Variants in DNER observed in about 807,000 individuals in gnomAD.
DNER encodes delta and Notch-like epidermal growth factor-related receptor.
In DNER, 33 loss-of-function variants were observed where a neutral mutation model predicts 78.2. That is an observed-to-expected ratio of 0.42 (90% CI 0.32 to 0.56). The LOEUF (loss-of-function observed/expected upper bound fraction) is 0.56. Among genes scored for constraint, DNER ranks in the 20% least tolerant of loss-of-function variants. DNER has a pLI of 0.11. For synonymous variants in DNER, 417 were observed against 384.8 expected (o/e 1.08, Z -0.98); for missense variants, 918 against 975.3 (o/e 0.94, Z 0.78).
intron 1 of DNER, among the ~76,000 whole-genome samples, chr2:229,670,771 A>T (rs1186940788): frequency 6.6e-6 from 1 of 152,218 alleles, no homozygotes; most frequent in Non-Finnish European, 1.5e-5. Flanking sequence ...CCACCAGCCA[A>T]TGCAGCTACA....
chr2:229,490,273 C>A (rs1695371498), intron 6 of DNER, among the ~76,000 whole-genome samples: 1 of 152,106 alleles, frequency 6.6e-6, no homozygotes, highest in Non-Finnish European at 1.5e-5. Context: ...GTACATCAGG[C>A]TAAGTGTCTT....
intron 5 of DNER, among the ~76,000 whole-genome samples, chr2:229,544,435 T>C (rs1696578580): frequency 6.6e-6 from 1 of 152,192 alleles, no homozygotes; most frequent in Non-Finnish European, 1.5e-5. Context: ...TCACTATGCT[T>C]TCGGGTTCCT....
At chr2:229,635,683 G>A (rs1698519066) in intron 1 of DNER, among the ~76,000 whole-genome samples, 1 of 152,166 alleles carries the variant, frequency 6.6e-6, no homozygotes, top group Admixed American at 6.5e-5. Context: ...GCCTGATAGT[G>A]ATCATTTTAC....
At chr2:229,566,072 T>A (rs1434902528) in intron 4 of DNER, among the ~76,000 whole-genome samples, 1 of 152,144 alleles carries the variant, frequency 6.6e-6, no homozygotes, top group East Asian at 1.9e-4. Context: ...AACTTCTCTG[T>A]GTTGATGTGA....
chr2:229,682,229 T>A (rs1302933491), intron 1 of DNER, among the ~76,000 whole-genome samples: 1 of 152,178 alleles, frequency 6.6e-6, no homozygotes, highest in Non-Finnish European at 1.5e-5. Context: ...AACTCCAGTA[T>A]AAAATTCAGC....
At chr2:229,377,785 A>G (rs1221149575) in intron 11 of DNER, among the ~76,000 whole-genome samples, 1 of 152,202 alleles carries the variant, frequency 6.6e-6, no homozygotes, top group East Asian at 1.9e-4. Context: ...AAATATTGTA[A>G]TATTTAAGAA....
At chr2:229,419,721 T>C (rs996509711) in intron 8 of DNER, among the ~76,000 whole-genome samples, 1 of 152,030 alleles carries the variant, frequency 6.6e-6, no homozygotes, top group Non-Finnish European at 1.5e-5. Flanking sequence ...TAGTTTTCAA[T>C]TCTTCTGAAA....
intron 6 of DNER, among the ~76,000 whole-genome samples, chr2:229,500,308 C>A (rs1186301465): frequency 6.6e-6 from 1 of 152,162 alleles, no homozygotes; most frequent in Admixed American, 6.5e-5. Flanking sequence ...CACTGATCAT[C>A]AGGGAAGTGT....
intron 1 of DNER, among the ~76,000 whole-genome samples, chr2:229,656,985 CGTGT>C (rs1417445603): frequency 0.031 from 4,674 of 148,820 alleles, 255 homozygotes; most frequent in African/African-American, 0.11. Context: ...ACAGTTACCA[CGTGT>C]GTGTGTGTGT....
At chr2:229,544,686 C>T (rs1481426659) in intron 5 of DNER, among the ~76,000 whole-genome samples, 1 of 151,994 alleles carries the variant, frequency 6.6e-6, no homozygotes, top group Non-Finnish European at 1.5e-5. Context: ...GTGCCCACCA[C>T]CACGCCTGGC....
chr2:229,362,351 C>T (rs371715430), intron 12 of DNER, among the ~76,000 whole-genome samples: 1 of 152,154 alleles, frequency 6.6e-6, no homozygotes, highest in East Asian at 1.9e-4. Flanking sequence ...TTCTGGCTTC[C>T]AAGCCTAGAT....
intron 1 of DNER, among the ~76,000 whole-genome samples, chr2:229,631,882 T>A (rs1327186092): frequency 2.0e-5 from 3 of 152,220 alleles, no homozygotes; most frequent in African/African-American, 7.2e-5. Flanking sequence ...GTCTTAAGAA[T>A]TAAACGAGCT....
Position 229,630,911 on chromosome 2 carries a change from C to G in DNER, c.277-39023G>C, listed in dbSNP as rs1167564051. 3.9e-5 allele frequency among the ~76,000 whole-genome samples: 6 copies of G among 152,216 alleles called. No homozygotes were observed. In the East Asian group the frequency reaches 1.2e-3, roughly 29 times the overall value. Reference sequence around the variant, plus strand: ...GGCATTTGGTTTTTTGTTCCTGTGTCAATTCACTTAAGATAATGGCCTCCA... The same window carrying G: ...GGCATTTGGTTTTTTGTTCCTGTGTGAATTCACTTAAGATAATGGCCTCCA... On this transcript the variant is annotated intron_variant, in intron 1 of 12. Transcript: ENST00000341772.
At chr2:229,594,952 TAAAAAAAA>T (rs200824543) in intron 1 of DNER, among the ~76,000 whole-genome samples, 1 of 102,688 alleles carries the variant, frequency 9.7e-6, no homozygotes, top group African/African-American at 3.4e-5. Context: ...AAATGCTGTT[TAAAAAAAA>T]AAAAAAAAAA....
chr2:229,572,279 G>T (rs148562973), intron 4 of DNER, among the ~76,000 whole-genome samples: 1 of 152,106 alleles, frequency 6.6e-6, no homozygotes, highest in Non-Finnish European at 1.5e-5. Flanking sequence ...CTCAACTTGC[G>T]ATGTGAATTC....
At chr2:229,368,335 T>A (rs1342468292) in intron 11 of DNER, among the ~76,000 whole-genome samples, 1 of 152,064 alleles carries the variant, frequency 6.6e-6, no homozygotes, top group Non-Finnish European at 1.5e-5. Context: ...CACACTCCAG[T>A]CTGGGCAACA....
intron 12 of DNER, among the ~76,000 whole-genome samples, chr2:229,364,347 A>G (rs1274514173): frequency 6.6e-6 from 1 of 152,066 alleles, no homozygotes; most frequent in African/African-American, 2.4e-5. Flanking sequence ...TCAAATGTTA[A>G]TGAGGTCTAC....
At chr2:229,461,029 C>G (rs752261806) in intron 7 of DNER, among the ~76,000 whole-genome samples, 25 of 151,864 alleles carry the variant, frequency 1.6e-4, no homozygotes, top group Non-Finnish European at 2.9e-4. Context: ...GAGTGTAGGG[C>G]AGTAGGATGA....
intron 6 of DNER, among the ~76,000 whole-genome samples, chr2:229,508,741 C>G (rs941328059): frequency 6.6e-6 from 1 of 151,890 alleles, no homozygotes; most frequent in African/African-American, 2.4e-5. Flanking sequence ...ATTAGCCGGG[C>G]GTGGTGGCAA....
Sources: gnomAD v4.1 joint callset for allele counts (sites outside exome capture counted in the v4.1 genomes callset) on GRCh38, gnomAD v4.1.1 for gene constraint, MANE v1.5 for transcripts, NCBI Gene and HGNC (gene_info 2026-07-23, HGNC 2026-07-21) for gene names.